ALG6: variants seen among roughly 807,000 people sequenced by gnomAD.
The protein encoded by ALG6 is dolichyl pyrophosphate Man9GlcNAc2 alpha-1,3-glucosyltransferase.
A neutral mutation model predicts 66.6 loss-of-function variants in ALG6; 46 were observed. The observed-to-expected ratio is 0.69, with a 90% CI of 0.55 to 0.88. The LOEUF (loss-of-function observed/expected upper bound fraction) is 0.88. ALG6 is among the 40% of genes least tolerant of loss of function. The pLI is 0.00. For missense variants in ALG6, 505 were observed against 586.8 expected (o/e 0.86, Z 1.44); for synonymous variants, 185 against 203.7 (o/e 0.91, Z 0.78).
intron 5 of ALG6, 60 bp downstream of exon 5, chr1:63,404,601 G>A: frequency 2.2e-6 from 3 of 1,351,132 alleles, no homozygotes; most frequent in Non-Finnish European, 3.2e-6. Flanking sequence ...TGGACAAACT[G>A]GTAAAGGTAC....
intron 12 of ALG6, among the ~76,000 whole-genome samples, chr1:63,419,942 GA>G (rs551656641): frequency 8.0e-4 from 122 of 152,264 alleles, no homozygotes; most frequent in African/African-American, 2.7e-3. Flanking sequence ...GATGTTCATA[GA>G]AAGCAGTGGA....
intron 2 of ALG6, among the ~76,000 whole-genome samples, chr1:63,372,513 CTA>C (rs1180516226): frequency 2.6e-5 from 3 of 116,504 alleles, no homozygotes; most frequent in Non-Finnish European, 3.6e-5. Flanking sequence ...TTATGCATAC[CTA>C]TATATGTGTG....
chr1:63,409,885 T>C (rs1644507847), intron 7 of ALG6, among the ~76,000 whole-genome samples: 1 of 152,184 alleles, frequency 6.6e-6, no homozygotes, highest in Admixed American at 6.5e-5. Context: ...CTACACTGGA[T>C]AGTTTAGTTC....
intron 14 of ALG6, among the ~76,000 whole-genome samples, chr1:63,431,312 C>T (rs768439537): frequency 2.0e-5 from 3 of 152,198 alleles, no homozygotes; most frequent in Non-Finnish European, 2.9e-5. Context: ...ATCTATTTTA[C>T]ATCCCTTTAT....
At chr1:63,382,641 G>GTTTT (rs146212470) in intron 2 of ALG6, among the ~76,000 whole-genome samples, 97 of 51,046 alleles carry the variant, frequency 1.9e-3, no homozygotes, top group South Asian at 3.4e-3. Context: ...GCCTGGCTAA[G>GTTTT]TTTTTTTTTG....
At chr1:63,402,220 C>A in intron 3 of ALG6, 34 bp from the exon 4 acceptor site, 2 of 1,265,570 alleles carry the variant, frequency 1.6e-6, no homozygotes, top group Non-Finnish European at 2.3e-6. Context: ...TATTGATTAA[C>A]GGAATGGTGC....
At chr1:63,385,145 C>A (rs1648457426) in intron 2 of ALG6, among the ~76,000 whole-genome samples, 1 of 138,390 alleles carries the variant, frequency 7.2e-6, no homozygotes, top group Non-Finnish European at 1.6e-5. Flanking sequence ...TTTCTTTCAT[C>A]AGTGTTCTAT....
At chr1:63,382,913 T>G (rs1648377826) in intron 2 of ALG6, among the ~76,000 whole-genome samples, 1 of 152,052 alleles carries the variant, frequency 6.6e-6, no homozygotes, top group African/African-American at 2.4e-5. Flanking sequence ...CCTGACCTCA[T>G]GATCCGCCCG....
intron 2 of ALG6, among the ~76,000 whole-genome samples, chr1:63,383,279 G>A (rs1377631509): frequency 6.6e-6 from 1 of 151,604 alleles, no homozygotes; most frequent in African/African-American, 2.4e-5. Context: ...TCACCACCAT[G>A]CCTAGCTAAT....
At chr1:63,415,478 G>A (rs1289512321) in intron 10 of ALG6, among the ~76,000 whole-genome samples, 1 of 152,090 alleles carries the variant, frequency 6.6e-6, no homozygotes, top group Non-Finnish European at 1.5e-5. Flanking sequence ...TCTTTTGTGA[G>A]TAAAGTTTAT....
At chr1:63,405,692 A>T (rs1320307277) in intron 5 of ALG6, among the ~76,000 whole-genome samples, 1 of 152,070 alleles carries the variant, frequency 6.6e-6, no homozygotes, top group African/African-American at 2.4e-5. Context: ...GTTTACTGTC[A>T]CCTTTTTCTT....
chr1:63,387,402 C>A (rs181708173), intron 2 of ALG6, among the ~76,000 whole-genome samples: 1 of 152,124 alleles, frequency 6.6e-6, no homozygotes, highest in African/African-American at 2.4e-5. Context: ...GAGACACTCT[C>A]TTTAGCTCTA....
At position 63,427,069 on chromosome 1, in the gene ALG6, C is replaced by T. The variant is rs200420167; in HGVS notation, c.1059-1664C>T. On this transcript the variant is annotated intron_variant, in intron 12 of 14. Transcript: ENST00000263440. ...AGGCTGGAGTGCAGTGGCACGATCT[C>T]GGCTCACTGCAACCTCCGACTCCCT... Among the ~76,000 whole-genome samples, 100 of 152,080 alleles carry T rather than the reference C, an allele frequency of 6.6e-4. 2 individuals carry two copies. In the East Asian group the frequency reaches 0.017, roughly 26 times the overall value.
intron 2 of ALG6, among the ~76,000 whole-genome samples, chr1:63,375,802 GCT>G (rs1456684780): frequency 6.6e-6 from 1 of 151,822 alleles, no homozygotes; most frequent in African/African-American, 2.4e-5. Flanking sequence ...GACCATTTAG[GCT>G]CTCTCTTTTT....
At chr1:63,371,519 C>T (rs867098739) in intron 2 of ALG6, among the ~76,000 whole-genome samples, 4 of 152,212 alleles carry the variant, frequency 2.6e-5, no homozygotes, top group African/African-American at 4.8e-5. Context: ...CTATTTAGCA[C>T]GTCTCATGTT....
chr1:63,415,678 G>GTA (rs10567757), intron 10 of ALG6, among the ~76,000 whole-genome samples, 195 bp from the exon 11 acceptor site: 11 of 151,126 alleles, frequency 7.3e-5, no homozygotes, highest in Middle Eastern at 3.2e-3. Context: ...GTGTATAAAA[G>GTA]TATATATATA....
At chr1:63,431,992 T>C in intron 14 of ALG6, among the ~76,000 whole-genome samples, 1 of 152,152 alleles carries the variant, frequency 6.6e-6, no homozygotes, top group East Asian at 1.9e-4. Flanking sequence ...ACTTTTATCT[T>C]TTATTTCTCT....
intron 7 of ALG6, 113 bp downstream of exon 7, chr1:63,407,239 A>G (rs555403207): frequency 1.3e-6 from 1 of 750,436 alleles, no homozygotes; most frequent in Non-Finnish European, 2.4e-6. Context: ...TTGCTTATAT[A>G]AACTATTTCA....
intron 9 of ALG6, chr1:63,413,796 C>A: frequency 2.8e-6 from 1 of 354,350 alleles, no homozygotes; most frequent in Non-Finnish European, 5.3e-6. Context: ...TAGTGCACTG[C>A]TCTTTGAAAA....
Sources: allele counts gnomAD v4.1 joint callset (sites outside exome capture counted in the v4.1 genomes callset), GRCh38; gene constraint gnomAD v4.1.1; transcripts MANE v1.5; gene names NCBI Gene and HGNC (gene_info 2026-07-23, HGNC 2026-07-21).